Variants in SMC1A observed in about 807,000 individuals in gnomAD.
The protein encoded by SMC1A is structural maintenance of chromosomes 1A.
Under a neutral mutation model 94.5 loss-of-function variants are expected in SMC1A, and 4 were observed. That is an observed-to-expected ratio of 0.04 (90% CI 0.02 to 0.10). The LOEUF (loss-of-function observed/expected upper bound fraction) is 0.10, where lower values mean the gene tolerates loss of function less well. Ranked by LOEUF, SMC1A falls within the 10% of genes least tolerant of loss-of-function variation. The pLI, the probability that SMC1A is intolerant of heterozygous loss-of-function variation, is 1.00. For missense variants in SMC1A, 304 were observed against 989.0 expected (o/e 0.31, Z 9.29); for synonymous variants, 345 against 347.7 (o/e 0.99, Z 0.09).
At chrX:53,402,577 G>A (rs2075674256) in intron 15 of SMC1A, among the ~76,000 whole-genome samples, 1 of 106,126 alleles carries the variant, frequency 9.4e-6, no homozygotes, top group Non-Finnish European at 1.9e-5. Flanking sequence ...AGCCAGGCGG[G>A]GGTTGGGGCC....
chrX:53,410,178 A>C (rs2075705631), intron 7 of SMC1A, among the ~76,000 whole-genome samples: 1 of 111,407 alleles, frequency 9.0e-6, no homozygotes, highest in African/African-American at 3.3e-5. Context: ...TACAATGCCC[A>C]GGGTCTGGTT....
At chrX:53,404,881 T>C (rs1386016415) in intron 13 of SMC1A, 131 bp downstream of exon 13, 10 of 744,843 alleles carry the variant, frequency 1.3e-5, no homozygotes, top group South Asian at 4.5e-5. Context: ...TCTGACTCTA[T>C]GCTATACCTG....
Position 53,412,269 on chromosome X carries a change from TG to T in SMC1A, c.855-17del. The T allele has an allele frequency of 8.3e-7, 1 of 1,208,584 alleles. No homozygotes were observed. The highest frequency in any genetic ancestry group is 1.1e-6 in the Non-Finnish European group (1 of 893,430). ...GTCCTTCTCCCTTTTGCCAGAGGGG[TG>T]GGGGAAACCAGTGAGAACTATGGAA... is the stretch of plus-strand genomic sequence containing the variant. On this transcript the variant is annotated splice_polypyrimidine_tract_variant and intron_variant, in intron 5 of 24. Transcript: ENST00000322213.
At chrX:53,412,630 C>T (rs980299099) in intron 5 of SMC1A, among the ~76,000 whole-genome samples, 4 of 112,012 alleles carry the variant, frequency 3.6e-5, no homozygotes, top group African/African-American at 9.7e-5. Context: ...TCCATTGGCT[C>T]GGCCTCACAT....
chrX:53,401,466 T>G (rs782296419), intron 15 of SMC1A, among the ~76,000 whole-genome samples: 2 of 112,233 alleles, frequency 1.8e-5, no homozygotes, highest in Non-Finnish European at 3.8e-5. Flanking sequence ...ATTTTATTCT[T>G]TTTTCTGGTC....
intron 13 of SMC1A, 86 bp downstream of exon 13, chrX:53,404,926 T>A: frequency 1.9e-6 from 2 of 1,065,401 alleles, no homozygotes; most frequent in Non-Finnish European, 2.5e-6. Flanking sequence ...GACGGGGAAG[T>A]GAAACAAGTT....
intron 5 of SMC1A, 93 bp from the exon 6 acceptor site, chrX:53,412,346 GCCAAC>G: frequency 1.1e-6 from 1 of 934,412 alleles, no homozygotes; most frequent in Non-Finnish European, 1.5e-6. Context: ...GAGCCCCTGA[GCCAAC>G]CTCAGGGAAT....
Position 53,412,270 on chromosome X carries a change from G to A in SMC1A, c.855-17C>T. 8.3e-7 allele frequency: 1 copy of A among 1,208,786 alleles called. No homozygotes were observed. Among genetic ancestry groups the A allele is most frequent in the Non-Finnish European group, 1.1e-6 (1 of 893,066 alleles). ...TCCTTCTCCCTTTTGCCAGAGGGGT[G>A]GGGGAAACCAGTGAGAACTATGGAA... On this transcript the variant is annotated splice_polypyrimidine_tract_variant and intron_variant, in intron 5 of 24. Coordinates refer to ENST00000322213, the MANE Select transcript of SMC1A (RefSeq NM_006306.4).
At chrX:53,418,213 T>C (rs1160462766) in intron 1 of SMC1A, among the ~76,000 whole-genome samples, 3 of 112,420 alleles carry the variant, frequency 2.7e-5, no homozygotes, top group Non-Finnish European at 5.6e-5. Context: ...TCGCCCACGC[T>C]AGATTGCACC....
intron 1 of SMC1A, among the ~76,000 whole-genome samples, chrX:53,415,379 T>C (rs1556891135): frequency 2.7e-5 from 3 of 111,028 alleles, no homozygotes; most frequent in Non-Finnish European, 3.8e-5. Context: ...TTGCAGTTAC[T>C]ATATAGCAGC....
intron 23 of SMC1A, 116 bp downstream of exon 23, chrX:53,380,902 T>TC: frequency 1.4e-6 from 1 of 712,157 alleles, no homozygotes; most frequent in South Asian, 2.2e-5. Flanking sequence ...GGGCCCAGCC[T>TC]CCCAGGCACA....
At chrX:53,416,480 T>C (rs2075732944) in intron 1 of SMC1A, among the ~76,000 whole-genome samples, 1 of 105,864 alleles carries the variant, frequency 9.4e-6, no homozygotes, top group Admixed American at 1.0e-4. Flanking sequence ...AACCTCCGAC[T>C]CCCTGGTTCA....
chrX:53,409,854 A>T (rs1243749926), intron 7 of SMC1A, among the ~76,000 whole-genome samples: 1 of 111,951 alleles, frequency 8.9e-6, no homozygotes, highest in Non-Finnish European at 1.9e-5. Flanking sequence ...CATAGAATAC[A>T]CATTAAGTGC....
rs2075714092 is a variant in SMC1A, at chrX:53,411,798, C to T, written c.1217G>A (p.Arg406His). ...FNRDQKADQD[R>H]LDLEERKKVE... ...TTTCTTCCGTTCTTCCAGATCCAGA[C>T]GGTCCTGGTCAGCTTTCTGGTCTCG... The change falls in exon 7 of 25, where the codon CGT (arginine) becomes CAT (histidine). Residue 406 changes from arginine (R) to histidine (H), a missense_variant. Transcript: ENST00000322213. 3 of 1,211,104 alleles carry T rather than the reference C, an allele frequency of 2.5e-6. No individual in the cohort carries two copies. The highest frequency in any genetic ancestry group is 1.1e-6 in the Non-Finnish European group (1 of 894,978).
intron 19 of SMC1A, among the ~76,000 whole-genome samples, chrX:53,391,458 TAAAA>T (rs782035311): frequency 4.5e-5 from 4 of 89,582 alleles, no homozygotes; most frequent in Admixed American, 1.2e-4. Context: ...GTCTCCACGT[TAAAA>T]AAAAAAAAAA....
chrX:53,403,449 A>G, intron 15 of SMC1A, 117 bp downstream of exon 15: 3 of 586,948 alleles, frequency 5.1e-6, no homozygotes, highest in Non-Finnish European at 8.7e-6. Flanking sequence ...GCCTAGCTAC[A>G]TAAACTCACA....
chrX:53,411,681 T>C, intron 7 of SMC1A, 80 bp downstream of exon 7: 6 of 1,110,970 alleles, frequency 5.4e-6, no homozygotes, highest in South Asian at 3.7e-5. Context: ...AGATTTTGGA[T>C]TATTTTGGAT....
Position 53,413,440 on chromosome X carries a change from T to C in SMC1A, c.412-5A>G. 8.3e-7 allele frequency: 1 copy of C among 1,204,937 alleles called. No homozygotes were observed. Among genetic ancestry groups the C allele is most frequent in the African/African-American group, 1.7e-5 (1 of 57,476 alleles). ...GGCAATAGATTCCACAGCACCCTAG[T>C]AAAGGTCGAAACACTCTTCCACTTC... On this transcript the variant is annotated splice_region_variant and splice_polypyrimidine_tract_variant and intron_variant, in intron 3 of 24. Transcript: ENST00000322213.
intron 7 of SMC1A, 49 bp downstream of exon 7, chrX:53,411,712 A>G (rs1556890541): frequency 8.5e-7 from 1 of 1,182,547 alleles, no homozygotes; most frequent in Admixed American, 2.2e-5. Flanking sequence ...CAACCTATAT[A>G]TATCCTTTTC....
Sources: allele counts gnomAD v4.1 joint callset (sites outside exome capture counted in the v4.1 genomes callset), GRCh38; gene constraint gnomAD v4.1.1; transcripts MANE v1.5; gene names NCBI Gene and HGNC (gene_info 2026-07-23, HGNC 2026-07-21).